Variants in ATRIP observed in about 807,000 individuals in gnomAD.
ATRIP encodes the protein ATR-interacting protein.
Under a neutral mutation model 78.1 loss-of-function variants are expected in ATRIP, and 44 were observed. That is an observed-to-expected ratio of 0.56 (90% CI 0.44 to 0.72). The LOEUF is 0.72. ATRIP is among the 30% of genes least tolerant of loss of function. The pLI is 0.00. For missense variants in ATRIP, 927 were observed against 980.2 expected, an observed-to-expected ratio of 0.95 and a Z score of 0.72; for synonymous variants, 388 against 408.9, an observed-to-expected ratio of 0.95 and a Z score of 0.62.
At position 48,460,510 on chromosome 3, in the gene ATRIP, G is replaced by A; in HGVS notation, c.1456G>A (p.Val486Met). The A allele has an allele frequency of 6.2e-7, 1 of 1,613,312 alleles. No homozygotes were observed. The highest frequency in any genetic ancestry group is 2.2e-5 in the East Asian group (1 of 44,870). Residue 486 changes from valine to methionine, a missense_variant, in exon 8 of 13, where the codon GTG becomes ATG. Physicochemically the swap from Val to Met is conservative, Grantham distance 21. Transcript: ENST00000320211. ...VTALSILQHLVCHSGAVVSLL... is the reference protein window; with the variant it reads ...VTALSILQHLMCHSGAVVSLL... Reference sequence around the variant, plus strand: ...TGCACTTAGCATTCTTCAGCACCTGGTGTGCCACAGCGGAGCAGTCGTCTC... The same window carrying A: ...TGCACTTAGCATTCTTCAGCACCTGATGTGCCACAGCGGAGCAGTCGTCTC...
In ATRIP at chr3:48,460,187, C is replaced by T. The variant is rs373800464; in HGVS notation, c.1133C>T (p.Ala378Val). 4 of 1,614,102 alleles carry T rather than the reference C, an allele frequency of 2.5e-6. No individual in the cohort carries two copies. Among genetic ancestry groups the T allele is most frequent in the Non-Finnish European group, 3.4e-6 (4 of 1,180,020 alleles). ...TTTTCCCTCTCAGCCCTGAGAGAAG[C>T]ACAGAACCTGGCATTCACTGGACTG... ...GSFSLSALRE[A>V]QNLAFTGLNL... The change falls in exon 8 of 13, where the codon GCA (alanine) becomes GTA (valine). Residue 378 changes from alanine to valine, a missense_variant. By Grantham distance (64) the Ala-to-Val change is moderately conservative. Coordinates refer to ENST00000320211, the MANE Select transcript of ATRIP (RefSeq NM_130384.3).
At position 48,446,817 on chromosome 3, in the gene ATRIP, C is replaced by T. The variant is rs760919772; in HGVS notation, c.-29C>T. The T allele has an allele frequency of 2.2e-6, 3 of 1,383,718 alleles. No individual in the cohort carries two copies. Among genetic ancestry groups the T allele is most frequent in the South Asian group, 4.0e-5 (2 of 49,988 alleles). The allele number at this position is 1,383,718 out of a possible 1,614,324, so 85.7% of individuals were successfully genotyped here. A position where few individuals can be genotyped will look rare whatever the true frequency, so the allele number is the denominator to read the frequency against. Reference sequence around the variant, plus strand: ...GGCGGCAGGCAAGTCTAGCTCGGCGCTGTCGGATACTTGGGGTGAGCGGAA... The same window carrying T: ...GGCGGCAGGCAAGTCTAGCTCGGCGTTGTCGGATACTTGGGGTGAGCGGAA... On this transcript the variant is annotated 5_prime_UTR_variant, in exon 1 of 13. Transcript: ENST00000320211.
Position 48,465,808 on chromosome 3 carries a change from C to A in ATRIP, c.*254C>A. ...ATCTGCCTTGAGGAAGGAGCCCTGC[C>A]CTGCCTGTGGAATTGTCCTGAGTCA... On this transcript the variant is annotated 3_prime_UTR_variant, in exon 13 of 13. Transcript: ENST00000320211. 1 of 456,208 alleles carries A rather than the reference C, an allele frequency of 2.2e-6. No homozygotes were observed. Among genetic ancestry groups the A allele is most frequent in the Non-Finnish European group, 4.1e-6 (1 of 246,118 alleles). The allele number at this position is 456,208 out of a possible 1,614,324, so 28.3% of individuals were successfully genotyped here.
Position 48,467,565 on chromosome 3 carries a change from CTG to C in ATRIP, c.*2013_*2014del. ...CATCCTGACCTTGGCAGTAGCCACA[CTG>C]TATGGACTATCCCTGGCCACACCTG... On this transcript the variant is annotated 3_prime_UTR_variant, in exon 13 of 13. Transcript: ENST00000320211. 6.2e-7 allele frequency: 1 copy of C among 1,613,618 alleles called. No homozygotes were observed. The highest frequency in any genetic ancestry group is 8.5e-7 in the Non-Finnish European group (1 of 1,179,800).
rs371888949 is a variant in ATRIP at position 48,466,870 on chromosome 3, C to T, written c.*1316C>T. 1.9e-6 allele frequency: 3 copies of T among 1,613,576 alleles called. No individual in the cohort carries two copies. The highest frequency in any genetic ancestry group is 2.5e-6 in the Non-Finnish European group (3 of 1,180,032). The stretch of plus-strand genomic sequence containing the variant: ...GTAGACAAGCTCTCCCTGTGTGTGG[C>T]TCCGGGGAAGGCCTGCAGCCCTGCA... On this transcript the variant is annotated 3_prime_UTR_variant, in exon 13 of 13. Transcript: ENST00000320211.
chr3:48,458,533 G>T (rs932775154), intron 5 of ATRIP, among the ~76,000 whole-genome samples: 7 of 152,036 alleles, frequency 4.6e-5, no homozygotes, highest in African/African-American at 1.7e-4. Flanking sequence ...TGTTGGCCTG[G>T]ATGGTCTCAA....
At chr3:48,454,616 T>C (rs888014101) in intron 4 of ATRIP, among the ~76,000 whole-genome samples, 198 bp downstream of exon 4, 1 of 152,194 alleles carries the variant, frequency 6.6e-6, no homozygotes, top group South Asian at 2.1e-4. Flanking sequence ...GCCTATACTC[T>C]AGAAATGCTG....
intron 1 of ATRIP, among the ~76,000 whole-genome samples, chr3:48,448,161 CT>C (rs34075060): frequency 0.023 from 2,684 of 116,702 alleles, 64 homozygotes; most frequent in African/African-American, 0.075. Context: ...CGTGAACACC[CT>C]TTTTTTTTTT....
At chr3:48,448,735 T>G (rs1487418937) in intron 1 of ATRIP, among the ~76,000 whole-genome samples, 2 of 152,262 alleles carry the variant, frequency 1.3e-5, no homozygotes, top group African/African-American at 4.8e-5. Flanking sequence ...CTACTTGTCC[T>G]TCAGCTCTCA....
In ATRIP at chr3:48,466,793, C is replaced by G. The variant is rs895463771; in HGVS notation, c.*1239C>G. The G allele has an allele frequency of 3.1e-6, 5 of 1,613,804 alleles. No individual in the cohort carries two copies. Among genetic ancestry groups the G allele is most frequent in the Non-Finnish European group, 4.2e-6 (5 of 1,180,006 alleles). On this transcript the variant is annotated 3_prime_UTR_variant, in exon 13 of 13. Transcript: ENST00000320211. Reference sequence around the variant, plus strand: ...CTGTCCACAGATGTGCCCTGGAGAGCCCCCCCACCTCTCAGGGGCCACCTC... The same window carrying G: ...CTGTCCACAGATGTGCCCTGGAGAGGCCCCCCACCTCTCAGGGGCCACCTC...
chr3:48,454,479 C>A, intron 4 of ATRIP, 61 bp downstream of exon 4: 1 of 1,295,476 alleles, frequency 7.7e-7, no homozygotes, highest in Non-Finnish European at 1.1e-6. Flanking sequence ...ATCTGCATAA[C>A]AGTGTCAGGC....
Position 48,447,025 on chromosome 3 carries a change from G to GAATT in ATRIP, c.180_181insAATT (p.Glu61AsnfsTer2). The GAATT allele has an allele frequency of 6.4e-7, 1 of 1,574,288 alleles. No individual in the cohort carries two copies. The highest frequency in any genetic ancestry group is 1.2e-5 in the South Asian group (1 of 86,766). Reference sequence around the variant, plus strand: ...ATGGGGACTTCACTGCCGACGACCTGGAGGAGCTTGACACCCTCGCGTCAC... The same window carrying GAATT: ...ATGGGGACTTCACTGCCGACGACCTGAATTGAGGAGCTTGACACCCTCGCGTCAC... On this transcript the variant is annotated frameshift_variant, in exon 1 of 13. Coordinates refer to ENST00000320211, the MANE Select transcript of ATRIP (RefSeq NM_130384.3). LOFTEE classifies it high-confidence loss of function.
intron 8 of ATRIP, among the ~76,000 whole-genome samples, chr3:48,461,855 C>A (rs1371215854): frequency 6.6e-6 from 1 of 152,194 alleles, no homozygotes; most frequent in Non-Finnish European, 1.5e-5. Flanking sequence ...CAGGCACCTG[C>A]CACCACACCT....
chr3:48,461,835 G>A (rs576815525), intron 8 of ATRIP, among the ~76,000 whole-genome samples: 9 of 152,232 alleles, frequency 5.9e-5, no homozygotes, highest in South Asian at 2.1e-4. Context: ...CTCCTGAGAC[G>A]CTGAGATTAC....
chr3:48,461,053 C>G (rs775967219), intron 8 of ATRIP, among the ~76,000 whole-genome samples: 5 of 152,212 alleles, frequency 3.3e-5, no homozygotes, highest in Admixed American at 2.0e-4. Context: ...GGCTGCTAAC[C>G]TCTGTGGAGG....
intron 3 of ATRIP, 29 bp from the exon 4 acceptor site, chr3:48,454,270 CA>C (rs1377677649): frequency 7.6e-7 from 1 of 1,314,936 alleles, no homozygotes; most frequent in African/African-American, 1.5e-5. Context: ...ATGATGGGAC[CA>C]CTACAAGCAT....
chr3:48,460,401 A>G lies in ATRIP; in HGVS notation c.1347A>G (p.Ser449=), dbSNP rs781064683. 2.5e-6 allele frequency: 4 copies of G among 1,613,502 alleles called. No individual in the cohort carries two copies. The highest frequency in any genetic ancestry group is 2.5e-6 in the Non-Finnish European group (3 of 1,179,754). Residue 449 remains serine, a synonymous_variant, in exon 8 of 13, where the codon TCA becomes TCG. Transcript: ENST00000320211. ...AAKRSGAPGD[S]PTHSSCVSSG... is the part of the protein sequence containing the mutation. ...AGAGAAGCGGAGCACCTGGGGACTCACCGACACATTCCTCCTGCGTGAGCT... is the reference window on the plus strand; with the variant it reads ...AGAGAAGCGGAGCACCTGGGGACTCGCCGACACATTCCTCCTGCGTGAGCT...
chr3:48,447,042 T>G lies in ATRIP; in HGVS notation c.197T>G (p.Leu66Arg), dbSNP rs2039694747. Residue 66 changes from leucine to arginine, a missense_variant, in exon 1 of 13, where the codon CTC becomes CGC. Leu to Arg is a moderately radical substitution (Grantham distance 102). Transcript: ENST00000320211. ...GACGACCTGGAGGAGCTTGACACCC[T>G]CGCGTCACAGGCCCTGAGCCAATGT... Reference protein sequence around the residue: ...TADDLEELDTLASQALSQCPA... With the variant: ...TADDLEELDTRASQALSQCPA... 2 of 1,570,600 alleles carry G rather than the reference T, an allele frequency of 1.3e-6. No homozygotes were observed. The highest frequency in any genetic ancestry group is 2.3e-5 in the South Asian group (2 of 86,466).
Position 48,466,623 on chromosome 3 carries a change from T to C in ATRIP, c.*1069T>C, listed in dbSNP as rs371631237. The C allele has an allele frequency of 6.2e-7, 1 of 1,611,094 alleles. No homozygotes were observed. The highest frequency in any genetic ancestry group is 8.5e-7 in the Non-Finnish European group (1 of 1,178,966). The stretch of plus-strand genomic sequence containing the variant: ...CACTCACACACCCACCCCATGCTCC[T>C]CTCCAGGCTCAGCAGCAGGTACGTA... On this transcript the variant is annotated 3_prime_UTR_variant, in exon 13 of 13. Transcript: ENST00000320211.
Sources: allele counts gnomAD v4.1 joint callset (sites outside exome capture counted in the v4.1 genomes callset), GRCh38; gene constraint gnomAD v4.1.1; transcripts MANE v1.5; gene names NCBI Gene and HGNC (gene_info 2026-07-23, HGNC 2026-07-21).